The following MATN2 variants were observed in gnomAD, a reference collection of about 807,000 sequenced individuals.
MATN2 encodes matrilin 2, also known as matrilin-2.
In MATN2, 69 loss-of-function variants were observed where a neutral mutation model predicts 103.2. The ratio of observed to expected loss-of-function variants is 0.67; its 90% confidence interval spans 0.55 to 0.82. The LOEUF (loss-of-function observed/expected upper bound fraction) is 0.82, where lower values mean the gene tolerates loss of function less well. Ranked by LOEUF, MATN2 falls within the 40% of genes least tolerant of loss-of-function variation. MATN2 has a pLI of 0.00. For synonymous variants in MATN2, 429 were observed against 450.2 expected, an observed-to-expected ratio of 0.95 and a Z score of 0.60; for missense variants, 1,023 against 1,211.5, an observed-to-expected ratio of 0.84 and a Z score of 2.31.
intron 5 of MATN2, 45 bp from the exon 6 acceptor site, chr8:97,978,841 C>T: frequency 1.2e-6 from 2 of 1,607,320 alleles, no homozygotes; most frequent in Non-Finnish European, 1.7e-6. Flanking sequence ...ATTCCCTTTT[C>T]CTCTGTTTGC....
At chr8:97,986,999 A>AT (rs531958193) in intron 6 of MATN2, among the ~76,000 whole-genome samples, 3,698 of 143,240 alleles carry the variant, frequency 0.026, 153 homozygotes, top group African/African-American at 0.083. Flanking sequence ...CGCCCAGCTA[A>AT]TTTTTTTTTT....
chr8:98,010,663 G>T (rs1466412449), intron 10 of MATN2, among the ~76,000 whole-genome samples: 2 of 152,178 alleles, frequency 1.3e-5, no homozygotes, highest in Non-Finnish European at 1.5e-5. Flanking sequence ...CCAGGGCCAG[G>T]CCTGCTCTCC....
chr8:97,931,386 T>C lies in MATN2; in HGVS notation c.576T>C (p.Phe192=), dbSNP rs1274869450. The C allele has an allele frequency of 1.2e-6, 2 of 1,613,812 alleles. No homozygotes were observed. The highest frequency in any genetic ancestry group is 1.7e-6 in the Non-Finnish European group (2 of 1,179,882). ...AKARDTGILI[F]AIGVGQVDFN... ...CACGGGACACGGGCATCCTAATCTT[T>C]GCCATTGGTGTGGGCCAGGTAGACT... The change falls in exon 3 of 19, where the codon TTT becomes TTC. Residue 192 remains phenylalanine (F), a synonymous_variant. Transcript: ENST00000254898. The surrounding 1 kb of genome is among the most constrained non-coding windows in gnomAD (Gnocchi z 4.1).
chr8:98,032,843 G>T lies in MATN2; in HGVS notation c.2582-199G>T, dbSNP rs2444897. On this transcript the variant is annotated intron_variant, in intron 16 of 18. Transcript: ENST00000254898. ...CACTGTGCCCGGCTGTTTTTGTTTT[G>T]TTTTTTGTTGTTGTTGTTTTTTGTT... Among the ~76,000 whole-genome samples, 58,313 of 151,554 alleles carry T rather than the reference G, an allele frequency of 0.38. 13,534 individuals are homozygous for T. Among genetic ancestry groups the T allele is most frequent in the African/African-American group, 0.65 (26,974 of 41,234 alleles).
chr8:98,021,385 G>A, intron 13 of MATN2, 58 bp downstream of exon 13: 1 of 1,583,658 alleles, frequency 6.3e-7, no homozygotes, highest in Non-Finnish European at 8.6e-7. Context: ...ACTGCTTTTT[G>A]GAGTATTTTC....
Position 97,898,313 on chromosome 8 carries a change from C to T in MATN2, c.142+10071C>T, listed in dbSNP as rs142790231. ...ATAATGATAACAATAGTAGTGATGA[C>T]GGCCGGGTGCGGTGGCTCATGCCTG... On this transcript the variant is annotated intron_variant, in intron 2 of 18. Transcript: ENST00000254898. 2.9e-3 allele frequency among the ~76,000 whole-genome samples: 442 copies of T among 152,174 alleles called. 2 individuals are homozygous for T. The highest frequency in any genetic ancestry group is 8.1e-3 in the African/African-American group (336 of 41,502).
intron 5 of MATN2, among the ~76,000 whole-genome samples, chr8:97,972,330 C>A (rs1225268004): frequency 9.1e-6 from 1 of 110,006 alleles, no homozygotes; most frequent in African/African-American, 3.2e-5. Flanking sequence ...CAGAATGAGA[C>A]CCTGTCTCAA....
intron 2 of MATN2, among the ~76,000 whole-genome samples, chr8:97,901,373 C>T (rs1586393725): frequency 6.6e-6 from 1 of 152,126 alleles, no homozygotes; most frequent in South Asian, 2.1e-4. Context: ...CTGCCTCAGC[C>T]TGCTGAATAG....
At chr8:97,954,140 A>T (rs563680712) in intron 4 of MATN2, among the ~76,000 whole-genome samples, 2 of 152,226 alleles carry the variant, frequency 1.3e-5, no homozygotes, top group South Asian at 4.2e-4. Context: ...TCTGGCTCCA[A>T]AGTCGATATT....
rs1483013915 is a variant in MATN2, at chr8:98,005,375, C to G, written c.1327+1592C>G. Among the ~76,000 whole-genome samples, 1 of 152,138 alleles carries G rather than the reference C, an allele frequency of 6.6e-6. No individual in the cohort carries two copies. Among genetic ancestry groups the G allele is most frequent in the African/African-American group, 2.4e-5 (1 of 41,426 alleles). Reference sequence around the variant, plus strand: ...CTGGTGACCATGGATCTGTGTGTATCCTGCCTGTTTCCCGGAGTGTCAGGT... The same window carrying G: ...CTGGTGACCATGGATCTGTGTGTATGCTGCCTGTTTCCCGGAGTGTCAGGT... On this transcript the variant is annotated intron_variant, in intron 8 of 18. Transcript: ENST00000254898. The surrounding 1 kb of genome is among the most constrained non-coding windows in gnomAD (Gnocchi z 4.6).
chr8:97,973,294 C>G (rs950684761), intron 5 of MATN2, among the ~76,000 whole-genome samples: 2 of 152,252 alleles, frequency 1.3e-5, no homozygotes, highest in East Asian at 1.9e-4. Flanking sequence ...ACATCCTCCC[C>G]CTTAGTTCCC....
At chr8:97,920,192 G>A (rs1026320596) in intron 2 of MATN2, among the ~76,000 whole-genome samples, 2 of 152,124 alleles carry the variant, frequency 1.3e-5, no homozygotes, top group African/African-American at 4.8e-5. Context: ...CATGGATACT[G>A]GGAGTTTATG....
chr8:97,964,624 A>G (rs775030066), intron 5 of MATN2, among the ~76,000 whole-genome samples: 2 of 151,820 alleles, frequency 1.3e-5, no homozygotes, highest in African/African-American at 2.4e-5. Flanking sequence ...TTGTAGAGAC[A>G]GGGTCTCCAT....
At chr8:97,881,440 G>C (rs1818249479) in intron 1 of MATN2, among the ~76,000 whole-genome samples, 1 of 152,190 alleles carries the variant, frequency 6.6e-6, no homozygotes, top group African/African-American at 2.4e-5. Flanking sequence ...CCGTAGTTAA[G>C]ACAGAATAAT....
At chr8:97,955,510 A>G (rs1237702179) in intron 4 of MATN2, among the ~76,000 whole-genome samples, 1 of 152,236 alleles carries the variant, frequency 6.6e-6, no homozygotes, top group Non-Finnish European at 1.5e-5. Flanking sequence ...TGCTAAAGAG[A>G]AATTAAAGAA....
chr8:98,029,731 A>T (rs1188026174), intron 14 of MATN2, among the ~76,000 whole-genome samples: 1 of 152,234 alleles, frequency 6.6e-6, no homozygotes, highest in African/African-American at 2.4e-5. Context: ...CTAATAAATT[A>T]GCTAGAATAA....
At chr8:97,894,093 A>G (rs1818723723) in intron 2 of MATN2, among the ~76,000 whole-genome samples, 2 of 152,190 alleles carry the variant, frequency 1.3e-5, no homozygotes, top group Admixed American at 6.5e-5. Flanking sequence ...TTTTGTGGCA[A>G]TATGGCATCA....
intron 2 of MATN2, among the ~76,000 whole-genome samples, chr8:97,890,476 A>G (rs1443132117): frequency 6.6e-6 from 1 of 151,882 alleles, no homozygotes; most frequent in East Asian, 1.9e-4. Flanking sequence ...AAAAAAAAAA[A>G]AAAAGAAAAT....
intron 6 of MATN2, among the ~76,000 whole-genome samples, chr8:97,990,187 A>AAG (rs1386598388): frequency 6.6e-6 from 1 of 151,256 alleles, no homozygotes; most frequent in African/African-American, 2.4e-5. Flanking sequence ...GTCAAAAAAA[A>AAG]AAAAAAAAAA....
Sources: allele counts gnomAD v4.1 joint callset (sites outside exome capture counted in the v4.1 genomes callset), GRCh38; gene constraint gnomAD v4.1.1; non-coding constraint Gnocchi (gnomAD v3.1); transcripts MANE v1.5; gene names NCBI Gene and HGNC (gene_info 2026-07-23, HGNC 2026-07-21).